Variants in LARGE1 observed in about 807,000 individuals in gnomAD.
LARGE1 encodes the protein xylosyl- and glucuronyltransferase LARGE1.
Under a neutral mutation model 87.6 loss-of-function variants are expected in LARGE1, and 43 were observed. The ratio of observed to expected loss-of-function variants is 0.49; its 90% CI spans 0.38 to 0.63. The LOEUF (loss-of-function observed/expected upper bound fraction) is 0.63. Among genes scored for constraint, LARGE1 ranks in the 30% least tolerant of loss-of-function variants. The pLI, the probability that LARGE1 is intolerant of heterozygous loss-of-function variation, is 0.00. For missense variants in LARGE1, 802 were observed against 1,000.2 expected (o/e 0.80, Z 2.67); for synonymous variants, 434 against 394.6 (o/e 1.10, Z -1.18).
chr22:33,316,270 T>C lies in LARGE1; in HGVS notation c.1288-22A>G, dbSNP rs1205872642. 4 of 1,611,876 alleles carry C rather than the reference T, an allele frequency of 2.5e-6. No homozygotes were observed. The South Asian group carries it at 3.3e-5, about 13-fold the overall frequency. ...GGAGCTGCAGGGTAGGAGAGAGGGC[T>C]TGGGCACGTGAAGAAGAGGTCCGAG... On this transcript the variant is annotated intron_variant, in intron 10 of 14. Transcript: ENST00000397394.
chr22:33,869,429 T>C (rs1306980487), intron 1 of LARGE1, among the ~76,000 whole-genome samples: 4 of 152,226 alleles, frequency 2.6e-5, no homozygotes, highest in African/African-American at 9.6e-5. Flanking sequence ...CCATTCTGAC[T>C]GCAAAGCAAC....
chr22:33,755,197 A>T (rs1021180374), intron 2 of LARGE1, among the ~76,000 whole-genome samples: 1 of 152,178 alleles, frequency 6.6e-6, no homozygotes, highest in Non-Finnish European at 1.5e-5. Context: ...ATAAAAATGG[A>T]AGCAACAGGG....
chr22:33,376,031 C>T (rs60262384), intron 9 of LARGE1, among the ~76,000 whole-genome samples: 33,917 of 152,088 alleles, frequency 0.22, 5,244 homozygotes, highest in African/African-American at 0.43. Context: ...TTTGGAAAAG[C>T]CAATATCACC....
chr22:33,651,957 A>C (rs1319048458), intron 2 of LARGE1, among the ~76,000 whole-genome samples: 1 of 152,112 alleles, frequency 6.6e-6, no homozygotes, highest in Non-Finnish European at 1.5e-5. Flanking sequence ...GCAAATCACG[A>C]GGTCAGGAGA....
chr22:33,555,393 A>G (rs1184697505), intron 6 of LARGE1, among the ~76,000 whole-genome samples: 1 of 152,042 alleles, frequency 6.6e-6, no homozygotes. Context: ...TTAGAAGGTG[A>G]TGAGTCCTCT....
intron 12 of LARGE1, among the ~76,000 whole-genome samples, chr22:33,298,194 G>A (rs113005719): frequency 2.0e-4 from 31 of 152,164 alleles, no homozygotes; most frequent in African/African-American, 6.0e-4. Context: ...TTGAGCTCCT[G>A]TATCTCTCAG....
At chr22:33,112,655 T>C in the LARGE1 span, among the ~76,000 whole-genome samples, 3 of 151,714 alleles carry the variant, frequency 2.0e-5, no homozygotes, top group East Asian at 3.9e-4. Context: ...GTAGGAAGGG[T>C]TGTTGTGTAA....
At chr22:33,214,312 T>G (rs1925101664) in intron 11 of LARGE1, among the ~76,000 whole-genome samples, 1 of 143,458 alleles carries the variant, frequency 7.0e-6, no homozygotes, top group African/African-American at 2.8e-5. Context: ...CCTCGTCTCT[T>G]CTTCTTATAA....
chr22:33,755,685 CAAA>C (rs768793127), intron 2 of LARGE1, among the ~76,000 whole-genome samples: 2 of 152,130 alleles, frequency 1.3e-5, no homozygotes, highest in Non-Finnish European at 2.9e-5. Context: ...CCTCAGGTCT[CAAA>C]AATCACAGAT....
intron 6 of LARGE1, among the ~76,000 whole-genome samples, chr22:33,554,296 C>T (rs1602401349): frequency 6.6e-6 from 1 of 152,076 alleles, no homozygotes; most frequent in Non-Finnish European, 1.5e-5. Flanking sequence ...CCTGCAGGAC[C>T]ACGCACTACA....
chr22:33,325,060 G>A (rs1270882897), intron 10 of LARGE1, among the ~76,000 whole-genome samples: 3 of 152,186 alleles, frequency 2.0e-5, no homozygotes, highest in African/African-American at 7.2e-5. Flanking sequence ...TACAATGCGC[G>A]AACAGAGTAG....
At chr22:33,631,376 C>T (rs570833426) in intron 3 of LARGE1, among the ~76,000 whole-genome samples, 29 of 152,314 alleles carry the variant, frequency 1.9e-4, no homozygotes, top group African/African-American at 5.3e-4. Context: ...GCTTGAAACA[C>T]AAACACATTG....
Position 33,346,724 on chromosome 22 carries a change from C to T in LARGE1, c.1132-8923G>A, listed in dbSNP as rs575532769. 4.6e-5 allele frequency among the ~76,000 whole-genome samples: 7 copies of T among 152,286 alleles called. No homozygotes were observed. The East Asian group carries it at 1.4e-3, about 29-fold the overall frequency. On this transcript the variant is annotated intron_variant, in intron 9 of 14. Coordinates refer to ENST00000397394, the MANE Select transcript of LARGE1 (RefSeq NM_133642.5). ...CTCCTTGTGTGTCTCCCCCTCCACC[C>T]CATTCTTCCTAACAGAACACTAACT...
chr22:33,527,596 C>T (rs561266612), intron 6 of LARGE1, among the ~76,000 whole-genome samples: 78 of 152,112 alleles, frequency 5.1e-4, no homozygotes, highest in Non-Finnish European at 9.1e-4. Flanking sequence ...GCTCCTGCAT[C>T]GGTGTGACAC....
chr22:33,117,101 A>G, the LARGE1 span, among the ~76,000 whole-genome samples: 3 of 152,234 alleles, frequency 2.0e-5, no homozygotes, highest in Non-Finnish European at 4.4e-5. Flanking sequence ...TGAAGTTCGC[A>G]TATCTTCTTG....
chr22:33,239,122 AC>A (rs1297673838), intron 11 of LARGE1, among the ~76,000 whole-genome samples: 7 of 150,076 alleles, frequency 4.7e-5, no homozygotes, highest in African/African-American at 1.2e-4. Flanking sequence ...AAAAAAAAAA[AC>A]CTCAACAGAC....
intron 4 of LARGE1, among the ~76,000 whole-genome samples, chr22:33,608,744 T>G (rs2079337867): frequency 6.6e-6 from 1 of 152,192 alleles, no homozygotes; most frequent in Admixed American, 6.5e-5. Context: ...AGTTCGGAGT[T>G]TGGACTATGT....
At chr22:33,885,511 C>T (rs1046384853) in intron 1 of LARGE1, among the ~76,000 whole-genome samples, 3 of 152,160 alleles carry the variant, frequency 2.0e-5, no homozygotes, top group African/African-American at 2.4e-5. Context: ...GGCAGCCTTA[C>T]GTAACTACTG....
chr22:33,840,380 A>G (rs1476924770), intron 1 of LARGE1, among the ~76,000 whole-genome samples: 16 of 152,196 alleles, frequency 1.1e-4, no homozygotes, highest in Non-Finnish European at 4.4e-5. Context: ...AACTTTTTAT[A>G]CATACATTCT....
Sources: gnomAD v4.1 joint callset for allele counts (sites outside exome capture counted in the v4.1 genomes callset) on GRCh38, gnomAD v4.1.1 for gene constraint, MANE v1.5 for transcripts, NCBI Gene and HGNC (gene_info 2026-07-23, HGNC 2026-07-21) for gene names.